The following RTEL1 variants were observed in gnomAD, a reference collection of about 807,000 sequenced individuals.
The protein encoded by RTEL1 is regulator of telomere elongation helicase 1.
RTEL1 carries 86 observed loss-of-function variants against 162.2 expected under a neutral mutation model. That is an observed-to-expected ratio of 0.53 (90% confidence interval 0.45 to 0.63). The LOEUF (loss-of-function observed/expected upper bound fraction) is 0.63. RTEL1 is among the 30% of genes least tolerant of loss of function. The probability of loss-of-function intolerance (pLI) is 0.00; values close to 1 mark genes in which losing one functional copy is unlikely to be tolerated. For synonymous variants in RTEL1, 958 were observed against 717.9 expected (o/e 1.33, Z -5.35); for missense variants, 1,941 against 1,750.2 (o/e 1.11, Z -1.95).
rs372852392 is a variant in RTEL1 at position 63,695,114 on chromosome 20, C to A, written c.3392C>A (p.Thr1131Lys). 5 of 1,612,402 alleles carry A rather than the reference C, an allele frequency of 3.1e-6. No individual in the cohort carries two copies. Among genetic ancestry groups the A allele is most frequent in the Non-Finnish European group, 2.5e-6 (3 of 1,179,870 alleles). The change falls in exon 33 of 35, where the codon ACG becomes AAG. Residue 1131 changes from threonine to lysine, a missense_variant. By Grantham distance (78) the Thr-to-Lys change is moderately conservative. Transcript: ENST00000360203. ...RPHHKQRFSQ[T>K]CTDLTGRPYP... ...CACCACAAGCAGCGCTTCTCACAGACGTGCACAGACCTGACCGGCCGGCCC... is the reference window on the plus strand; with the variant it reads ...CACCACAAGCAGCGCTTCTCACAGAAGTGCACAGACCTGACCGGCCGGCCC...
At position 63,688,281 on chromosome 20, in the gene RTEL1, C is replaced by T. The variant is rs762602851; in HGVS notation, c.1637-20C>T. ...GCAGACATCCTGCCCCTGCCTTGAC[C>T]CCGGCCCCTGCACTTCCAGGCAACA... On this transcript the variant is annotated intron_variant, in intron 19 of 34. Coordinates refer to ENST00000360203, the MANE Select transcript of RTEL1 (RefSeq NM_001283009.2). 4.3e-6 allele frequency: 7 copies of T among 1,611,104 alleles called. No individual in the cohort carries two copies. Among genetic ancestry groups the T allele is most frequent in the Admixed American group, 1.7e-5 (1 of 60,016 alleles).
At position 63,690,084 on chromosome 20, in the gene RTEL1, C is replaced by CA. The variant is rs1568711942; in HGVS notation, c.2142-2dup. ...GGGCAGCAGGGCTATGGCCACCCCC[C>CA]AGGTTCGCCTTTGCCGACGCAAGAG... is the stretch of plus-strand genomic sequence containing the variant. On this transcript the variant is annotated splice_polypyrimidine_tract_variant and splice_region_variant and intron_variant, in intron 24 of 34. Coordinates refer to ENST00000360203, the MANE Select transcript of RTEL1 (RefSeq NM_001283009.2). The CA allele has an allele frequency of 6.2e-7, 1 of 1,610,538 alleles. No homozygotes were observed. Among genetic ancestry groups the CA allele is most frequent in the East Asian group, 2.2e-5 (1 of 44,864 alleles).
intron 14 of RTEL1, among the ~76,000 whole-genome samples, chr20:63,684,960 C>G (rs1049692277): frequency 6.6e-6 from 1 of 151,888 alleles, no homozygotes; most frequent in Non-Finnish European, 1.5e-5. Context: ...TCACTGCAGC[C>G]TCAACCTCCT....
chr20:63,694,793 G>T lies in RTEL1; in HGVS notation c.3162G>T (p.Lys1054Asn). 6.2e-7 allele frequency: 1 copy of T among 1,612,144 alleles called. No individual in the cohort carries two copies. The highest frequency in any genetic ancestry group is 8.5e-7 in the Non-Finnish European group (1 of 1,179,650). ...GGTCTGGAGTGCCCAGAGCAGGGAAGCAGGGCCAGCACGCCGTGAGCGCCT... is the reference window on the plus strand; with the variant it reads ...GGTCTGGAGTGCCCAGAGCAGGGAATCAGGGCCAGCACGCCGTGAGCGCCT... ...QWGSGVPRAG[K>N]QGQHAVSAYL... The change falls in exon 32 of 35, where the codon AAG (lysine) becomes AAT (asparagine). Residue 1054 changes from lysine to asparagine, a missense_variant. Coordinates refer to ENST00000360203, the MANE Select transcript of RTEL1 (RefSeq NM_001283009.2).
At chr20:63,666,660 C>A (rs940623748) in intron 7 of RTEL1, among the ~76,000 whole-genome samples, 2 of 152,082 alleles carry the variant, frequency 1.3e-5, no homozygotes, top group Non-Finnish European at 2.9e-5. Context: ...CTCAGCCTCC[C>A]AAGTAGCCGG....
chr20:63,679,823 C>T lies in RTEL1; in HGVS notation c.1038-26C>T, dbSNP rs746178182. On this transcript the variant is annotated intron_variant, in intron 12 of 34. Coordinates refer to ENST00000360203, the MANE Select transcript of RTEL1 (RefSeq NM_001283009.2). The stretch of plus-strand genomic sequence containing the variant: ...TGCAGTCTGGTCCCCCCGCCAGGCT[C>T]GAGCCTGCCTTCTTCTCCTCGGCAG... 8 of 1,593,072 alleles carry T rather than the reference C, an allele frequency of 5.0e-6. No homozygotes were observed. In the East Asian group the frequency reaches 8.9e-5, roughly 18 times the overall value.
rs138738109 is a variant in RTEL1 at position 63,695,341 on chromosome 20, C to T, written c.3513C>T (p.Ser1171=). 4.9e-5 allele frequency: 76 copies of T among 1,553,928 alleles called. No individual in the cohort carries two copies. The highest frequency in any genetic ancestry group is 1.7e-4 in the Middle Eastern group (1 of 5,786). Residue 1171 remains serine (S), a synonymous_variant, in exon 34 of 35, where the codon TCC becomes TCT. Transcript: ENST00000360203. ...CTCTGTCTCCAGGCCCCTCACGGTC[C>T]GAGAAGACCGGGAAGACCCAGAGCA... ...HRAPQPGPSR[S]EKTGKTQSKI...
intron 31 of RTEL1, 62 bp from the exon 32 acceptor site, chr20:63,694,679 G>C: frequency 1.4e-6 from 2 of 1,419,938 alleles, no homozygotes; most frequent in South Asian, 1.3e-5. Context: ...GGGCGGGCAG[G>C]GCGGTGGGAC....
At chr20:63,695,014 G>T (rs1445857198) in intron 32 of RTEL1, 40 bp downstream of exon 32, 1 of 1,610,206 alleles carries the variant, frequency 6.2e-7, no homozygotes. Context: ...GTGGGGTGGG[G>T]GGCAGGGGAC....
chr20:63,672,965 GTCTC>G (rs1425834157), intron 9 of RTEL1, among the ~76,000 whole-genome samples: 6 of 152,234 alleles, frequency 3.9e-5, no homozygotes, highest in Admixed American at 3.9e-4. Context: ...TGCCTGCAGT[GTCTC>G]TGCCCTTCCG....
chr20:63,675,915 G>T (rs559096847), intron 10 of RTEL1, among the ~76,000 whole-genome samples: 107 of 152,256 alleles, frequency 7.0e-4, no homozygotes, highest in African/African-American at 2.5e-3. Context: ...CCACCCCCAG[G>T]CCTGTGTGAA....
intron 8 of RTEL1, among the ~76,000 whole-genome samples, chr20:63,670,759 G>A (rs1569087875): frequency 2.0e-5 from 3 of 151,656 alleles, no homozygotes; most frequent in Non-Finnish European, 2.9e-5. Flanking sequence ...AAGGCTGGGG[G>A]ATCGCTTAAG....
At chr20:63,683,110 T>C (rs1359858992) in intron 14 of RTEL1, among the ~76,000 whole-genome samples, 1 of 152,182 alleles carries the variant, frequency 6.6e-6, no homozygotes, top group Non-Finnish European at 1.5e-5. Flanking sequence ...AACACAGGTG[T>C]GCACCACCGC....
intron 14 of RTEL1, among the ~76,000 whole-genome samples, chr20:63,683,059 G>A (rs938228159): frequency 2.0e-5 from 3 of 152,164 alleles, no homozygotes; most frequent in African/African-American, 7.2e-5. Flanking sequence ...AACCTCCTGG[G>A]CCCAAGTGAT....
At chr20:63,693,109 G>T (rs372913355) in intron 29 of RTEL1, 34 bp from the exon 30 acceptor site, 27 of 1,612,048 alleles carry the variant, frequency 1.7e-5, no homozygotes, top group Non-Finnish European at 2.2e-5. Context: ...AGAGAAAAAG[G>T]GGCAGATGGG....
chr20:63,662,042 G>A, intron 4 of RTEL1, 99 bp downstream of exon 4: 9 of 988,478 alleles, frequency 9.1e-6, no homozygotes, highest in Non-Finnish European at 1.4e-5. Flanking sequence ...GGTGGAGGGT[G>A]GTGGTCTTTC....
At chr20:63,685,635 C>A in intron 15 of RTEL1, 38 bp downstream of exon 15, 4 of 1,598,932 alleles carry the variant, frequency 2.5e-6, no homozygotes, top group Non-Finnish European at 3.4e-6. Context: ...GAGGGCAGCC[C>A]TTGTTCCCCG....
intron 11 of RTEL1, 29 bp downstream of exon 11, chr20:63,678,212 A>G (rs2090396248): frequency 6.2e-7 from 1 of 1,613,460 alleles, no homozygotes; most frequent in Non-Finnish European, 8.5e-7. Context: ...GCCTCCTTGC[A>G]GCTGGGTGGG....
At chr20:63,667,688 T>C in intron 8 of RTEL1, 135 bp downstream of exon 8, 1 of 730,456 alleles carries the variant, frequency 1.4e-6, no homozygotes, top group South Asian at 1.5e-5. Flanking sequence ...CCTCTGTCAC[T>C]GGGCAGGGGC....
Sources: allele counts gnomAD v4.1 joint callset (sites outside exome capture counted in the v4.1 genomes callset), GRCh38; gene constraint gnomAD v4.1.1; transcripts MANE v1.5; gene names NCBI Gene and HGNC (gene_info 2026-07-23, HGNC 2026-07-21).